The following PHC3 variants were observed in gnomAD, a reference collection of about 807,000 sequenced individuals.
PHC3 encodes the protein polyhomeotic homolog 3.
Under a neutral mutation model 107.4 loss-of-function variants are expected in PHC3, and 13 were observed. That is an observed-to-expected ratio of 0.12 (90% CI 0.08 to 0.19). PHC3 has a LOEUF of 0.19. Ranked by LOEUF, PHC3 falls within the 10% of genes least tolerant of loss-of-function variation. The pLI, the probability that PHC3 is intolerant of heterozygous loss-of-function variation, is 1.00. For missense variants in PHC3, 992 were observed against 1,210.9 expected (o/e 0.82, Z 2.68); for synonymous variants, 456 against 427.4 (o/e 1.07, Z -0.83).
chr3:170,158,074 C>T (rs1727177067), intron 4 of PHC3, among the ~76,000 whole-genome samples: 1 of 151,898 alleles, frequency 6.6e-6, no homozygotes, highest in South Asian at 2.1e-4. Context: ...CTAAACCCCA[C>T]TGAAATAGCA....
At chr3:170,100,324 AAATTT>A (rs1715276145) in intron 14 of PHC3, among the ~76,000 whole-genome samples, 1 of 152,212 alleles carries the variant, frequency 6.6e-6, no homozygotes, top group African/African-American at 2.4e-5. Context: ...GCTCAAAACG[AAATTT>A]ACAAAGTCCA....
chr3:170,098,414 A>C (rs1478137486), intron 14 of PHC3, among the ~76,000 whole-genome samples: 1 of 152,162 alleles, frequency 6.6e-6, no homozygotes, highest in East Asian at 1.9e-4. Context: ...GAAAAAGATA[A>C]TGAAAAATGA....
intron 4 of PHC3, among the ~76,000 whole-genome samples, chr3:170,156,586 C>CT (rs1290429410): frequency 6.7e-6 from 1 of 150,148 alleles, no homozygotes; most frequent in Non-Finnish European, 1.5e-5. Flanking sequence ...GAAGAATTTT[C>CT]TTTTTAAGAG....
intron 4 of PHC3, among the ~76,000 whole-genome samples, chr3:170,149,686 C>T (rs1725580638): frequency 6.6e-6 from 1 of 152,074 alleles, no homozygotes; most frequent in Admixed American, 6.6e-5. Context: ...GAACTCCTGA[C>T]CTTAGGTTAT....
intron 4 of PHC3, among the ~76,000 whole-genome samples, chr3:170,157,001 A>G (rs1727007318): frequency 6.6e-6 from 1 of 152,220 alleles, no homozygotes; most frequent in South Asian, 2.1e-4. Context: ...AAAATAAAAC[A>G]AACATAAAAA....
At chr3:170,136,007 T>A (rs1012275969) in intron 7 of PHC3, among the ~76,000 whole-genome samples, 5 of 152,124 alleles carry the variant, frequency 3.3e-5, no homozygotes, top group African/African-American at 1.2e-4. Context: ...TTATGCATAA[T>A]CCTATGTTTC....
At chr3:170,114,095 C>T (rs887892865) in intron 10 of PHC3, among the ~76,000 whole-genome samples, 10 of 152,194 alleles carry the variant, frequency 6.6e-5, no homozygotes, top group African/African-American at 2.4e-4. Flanking sequence ...CCACAACCTC[C>T]ACCTCCTGGA....
chr3:170,164,511 G>C (rs1176988790), intron 4 of PHC3, among the ~76,000 whole-genome samples: 1 of 151,988 alleles, frequency 6.6e-6, no homozygotes, highest in African/African-American at 2.4e-5. Context: ...CAAGAATTCT[G>C]CTTCCAAAAA....
intron 9 of PHC3, among the ~76,000 whole-genome samples, chr3:170,118,997 T>A (rs1366447364): frequency 1.4e-5 from 2 of 141,996 alleles, no homozygotes; most frequent in African/African-American, 5.3e-5. Flanking sequence ...CTGGAAAACC[T>A]GTTTAAAGTC....
At chr3:170,101,178 C>A (rs1206604559) in intron 14 of PHC3, among the ~76,000 whole-genome samples, 1 of 152,214 alleles carries the variant, frequency 6.6e-6, no homozygotes, top group Non-Finnish European at 1.5e-5. Context: ...TTCGTGGGCA[C>A]ATGCACATGT....
At chr3:170,107,650 T>C (rs1265141206) in intron 11 of PHC3, among the ~76,000 whole-genome samples, 3 of 151,462 alleles carry the variant, frequency 2.0e-5, no homozygotes, top group Admixed American at 1.3e-4. Flanking sequence ...CAGTTCCTTT[T>C]AGTTATATTG....
chr3:170,102,479 C>T lies in PHC3; in HGVS notation c.2833G>A (p.Gly945Ser), dbSNP rs778511741. ...AAGGCCAAAGTGATGAATTACATACCAGGCAAAGAATGGATGAAGGCCCAG... is the reference window on the plus strand; with the variant it reads ...AAGGCCAAAGTGATGAATTACATACTAGGCAAAGAATGGATGAAGGCCCAG... ...DVWAFIHSLPGCQDIADEFRA... is the reference protein window; with the variant it reads ...DVWAFIHSLPSCQDIADEFRA... The change falls in exon 14 of 15, where the codon GGC becomes AGC. Residue 945 changes from glycine (G) to serine (S), a missense_variant and splice_region_variant. By Grantham distance (56) the Gly-to-Ser change is moderately conservative (BLOSUM62 0). This residue lies in a region of PHC3 where 228 missense variants were observed against 288.8 expected (regional missense o/e 0.79). Transcript: ENST00000495893. 6.2e-7 allele frequency: 1 copy of T among 1,612,704 alleles called. No individual in the cohort carries two copies. Among genetic ancestry groups the T allele is most frequent in the Non-Finnish European group, 8.5e-7 (1 of 1,179,364 alleles).
chr3:170,134,157 A>T (rs1184170999), intron 7 of PHC3, among the ~76,000 whole-genome samples: 3 of 152,018 alleles, frequency 2.0e-5, no homozygotes, highest in Non-Finnish European at 2.9e-5. Context: ...TAAAAAAAAA[A>T]AATAAGAATT....
chr3:170,107,248 G>C (rs568484133), intron 11 of PHC3, among the ~76,000 whole-genome samples: 1 of 152,278 alleles, frequency 6.6e-6, no homozygotes, highest in East Asian at 1.9e-4. Context: ...AACACTGGGA[G>C]AGAAATGAAG....
At chr3:170,171,878 C>A (rs1210388740) in intron 3 of PHC3, among the ~76,000 whole-genome samples, 1 of 152,078 alleles carries the variant, frequency 6.6e-6, no homozygotes, top group East Asian at 1.9e-4. Flanking sequence ...AGAAATAAAC[C>A]TTTTTCAGGT....
intron 7 of PHC3, among the ~76,000 whole-genome samples, chr3:170,135,673 A>AT (rs1475480358): frequency 1.1e-4 from 17 of 151,902 alleles, no homozygotes; most frequent in Non-Finnish European, 2.5e-4. Context: ...AGGTCAGGAA[A>AT]TTTAAAAAAA....
At chr3:170,134,699 A>G (rs1225113379) in intron 7 of PHC3, among the ~76,000 whole-genome samples, 1 of 152,230 alleles carries the variant, frequency 6.6e-6, no homozygotes. Flanking sequence ...GATACAACTT[A>G]GTGCTGTCAA....
chr3:170,128,970 T>C lies in PHC3; in HGVS notation c.1502A>G (p.Tyr501Cys). The change falls in exon 8 of 15, where the codon TAT becomes TGT. Residue 501 changes from tyrosine to cysteine, a missense_variant. Transcript: ENST00000495893. ...QQIVSPSHQQ[Y>C]SSLQSSPIPI... The stretch of plus-strand genomic sequence containing the variant: ...GATTGGAGAGGACTGCAGGGATGAA[T>C]ATTGCTGGTGTGATGGAGAGACAAT... The C allele has an allele frequency of 6.2e-7, 1 of 1,613,946 alleles. No homozygotes were observed. Among genetic ancestry groups the C allele is most frequent in the South Asian group, 1.1e-5 (1 of 91,078 alleles).
At chr3:170,163,861 CAAAAAAAAA>C (rs200514068) in intron 4 of PHC3, among the ~76,000 whole-genome samples, 1,450 of 85,130 alleles carry the variant, frequency 0.017, 33 homozygotes, top group African/African-American at 0.064. Flanking sequence ...AGACTCTGTC[CAAAAAAAAA>C]AAAAAAAAAA....
Sources: gnomAD v4.1 joint callset for allele counts (sites outside exome capture counted in the v4.1 genomes callset) on GRCh38, gnomAD v4.1.1 for gene constraint, gnomAD v4.1.1 regional missense constraint, MANE v1.5 for transcripts, NCBI Gene and HGNC (gene_info 2026-07-23, HGNC 2026-07-21) for gene names.